RBFOX3: variants seen among roughly 807,000 people sequenced by gnomAD.
RBFOX3 encodes RNA binding protein fox-1 homolog 3.
A neutral mutation model predicts 48.7 loss-of-function variants in RBFOX3; 17 were observed. The ratio of observed to expected loss-of-function variants is 0.35; its 90% CI spans 0.24 to 0.52. The LOEUF (loss-of-function observed/expected upper bound fraction) is 0.52. RBFOX3 is among the 20% of genes least tolerant of loss of function. The pLI, the probability that RBFOX3 is intolerant of heterozygous loss-of-function variation, is 0.94. For synonymous variants in RBFOX3, 212 were observed against 209.5 expected (o/e 1.01, Z -0.10); for missense variants, 382 against 497.5 (o/e 0.77, Z 2.21).
In RBFOX3 at chr17:79,375,711, C is replaced by T. The variant is rs533552109; in HGVS notation, c.-174-67887G>A. Among the ~76,000 whole-genome samples, 4 of 152,260 alleles carry T rather than the reference C, an allele frequency of 2.6e-5. No homozygotes were observed. In the East Asian group the frequency reaches 5.8e-4, roughly 22 times the overall value. On this transcript the variant is annotated intron_variant, in intron 2 of 14. Coordinates refer to ENST00000693108, the MANE Select transcript of RBFOX3 (RefSeq NM_001350451.2). ...GGCCATAAGGGGCACAACTCTGATA[C>T]CCAATTCAACCTCACTGCCAGCATG...
At chr17:79,354,590 C>A (rs1028744425) in intron 2 of RBFOX3, among the ~76,000 whole-genome samples, 1 of 152,254 alleles carries the variant, frequency 6.6e-6, no homozygotes, top group Admixed American at 6.5e-5. Context: ...GAGAAACCAG[C>A]GTGGAAGGCA....
At chr17:79,132,357 C>T (rs1157941586) in intron 4 of RBFOX3, among the ~76,000 whole-genome samples, 3 of 152,208 alleles carry the variant, frequency 2.0e-5, no homozygotes, top group Non-Finnish European at 2.9e-5. Flanking sequence ...GGGCCAATCA[C>T]TGCCCCGGAT....
At chr17:79,431,352 C>T (rs1455038642) in intron 2 of RBFOX3, among the ~76,000 whole-genome samples, 1 of 152,144 alleles carries the variant, frequency 6.6e-6, no homozygotes, top group Non-Finnish European at 1.5e-5. Flanking sequence ...TCACTCTTGT[C>T]CCCAAGGCTT....
intron 2 of RBFOX3, among the ~76,000 whole-genome samples, chr17:79,366,556 C>T (rs2057776148): frequency 1.3e-5 from 2 of 152,198 alleles, no homozygotes; most frequent in South Asian, 4.1e-4. Flanking sequence ...CACCACTTCC[C>T]AGCTCCTGCT....
At chr17:79,318,306 C>T (rs1044662527) in intron 2 of RBFOX3, among the ~76,000 whole-genome samples, 4 of 152,158 alleles carry the variant, frequency 2.6e-5, no homozygotes, top group Non-Finnish European at 4.4e-5. Flanking sequence ...AACTCCAGCA[C>T]GGAGGATGCT....
intron 2 of RBFOX3, among the ~76,000 whole-genome samples, chr17:79,440,056 G>A (rs1158995726): frequency 6.6e-6 from 1 of 152,160 alleles, no homozygotes; most frequent in Non-Finnish European, 1.5e-5. Context: ...CGGGCCAGAG[G>A]GCACTTGGGG....
At chr17:79,402,946 C>G (rs2063004318) in intron 2 of RBFOX3, among the ~76,000 whole-genome samples, 1 of 152,130 alleles carries the variant, frequency 6.6e-6, no homozygotes, top group Admixed American at 6.5e-5. Flanking sequence ...AGGACGTGCC[C>G]GGCAAAGAGA....
At chr17:79,226,148 C>T (rs193197141) in intron 4 of RBFOX3, among the ~76,000 whole-genome samples, 11 of 152,306 alleles carry the variant, frequency 7.2e-5, no homozygotes, top group East Asian at 1.9e-4. Flanking sequence ...TTTGGGGAAC[C>T]AGCAAGGTGG....
chr17:79,529,101 C>T (rs1336811860), intron 1 of RBFOX3, among the ~76,000 whole-genome samples: 2 of 152,202 alleles, frequency 1.3e-5, no homozygotes, highest in South Asian at 2.1e-4. Context: ...CATTTAACAC[C>T]GGAAGGACAC....
intron 2 of RBFOX3, among the ~76,000 whole-genome samples, chr17:79,417,763 A>G (rs976854018): frequency 6.6e-6 from 1 of 152,270 alleles, no homozygotes; most frequent in Non-Finnish European, 1.5e-5. Flanking sequence ...CCAACTGAGA[A>G]GTGCACTTCG....
intron 4 of RBFOX3, among the ~76,000 whole-genome samples, chr17:79,124,924 G>C (rs114874554): frequency 0.044 from 6,639 of 151,836 alleles, 184 homozygotes; most frequent in Middle Eastern, 0.099. Context: ...TTGTCTCGGG[G>C]GGAGCCCAGT....
chr17:79,239,434 G>A (rs561815118), intron 3 of RBFOX3, among the ~76,000 whole-genome samples: 88 of 152,284 alleles, frequency 5.8e-4, no homozygotes, highest in African/African-American at 2.0e-3. Flanking sequence ...GGAACACAGG[G>A]ATCAGCACAG....
In RBFOX3 at chr17:79,199,407, C is replaced by T. The variant is rs371004495; in HGVS notation, c.-34+36359G>A. Among the ~76,000 whole-genome samples the T allele has an allele frequency of 5.9e-5, 9 of 152,202 alleles. No homozygotes were observed. The highest frequency in any genetic ancestry group is 2.1e-4 in the South Asian group (1 of 4,808). On this transcript the variant is annotated intron_variant, in intron 4 of 14. Coordinates refer to ENST00000693108, the MANE Select transcript of RBFOX3 (RefSeq NM_001350451.2). This position sits in a 1 kb window ranked among gnomAD's most constrained non-coding sequence, Gnocchi z 5.1. ...CAGGAGCCTCCAACCCTCTGCCCAC[C>T]GCCCTACTGCAGGAGTTGCAGATCT...
intron 2 of RBFOX3, among the ~76,000 whole-genome samples, chr17:79,459,784 G>A (rs530487901): frequency 1.3e-5 from 2 of 152,244 alleles, no homozygotes; most frequent in South Asian, 4.2e-4. Context: ...AGAGTGAGGG[G>A]TATGGGATTC....
At chr17:79,097,785 G>A (rs1318579339) in intron 9 of RBFOX3, 40 bp from the exon 10 acceptor site, 2 of 1,543,628 alleles carry the variant, frequency 1.3e-6, no homozygotes, top group Non-Finnish European at 1.8e-6. Flanking sequence ...TGCCTTCCCC[G>A]ACCCTTTTCC....
chr17:79,159,776 A>G (rs1234842540), intron 4 of RBFOX3, among the ~76,000 whole-genome samples: 1 of 152,144 alleles, frequency 6.6e-6, no homozygotes, highest in Non-Finnish European at 1.5e-5. Flanking sequence ...TCATTTGCTC[A>G]CAACCACTCA....
chr17:79,331,859 C>G (rs1047161961), intron 2 of RBFOX3, among the ~76,000 whole-genome samples: 2 of 152,208 alleles, frequency 1.3e-5, no homozygotes, highest in Admixed American at 6.5e-5. Context: ...TCTCAATGCC[C>G]CTGGAAGCAC....
chr17:79,393,978 C>A (rs2061680374), intron 2 of RBFOX3, among the ~76,000 whole-genome samples: 1 of 151,914 alleles, frequency 6.6e-6, no homozygotes, highest in South Asian at 2.1e-4. Context: ...ATCGTCTGAG[C>A]CAGTCATGCA....
chr17:79,611,130 T>TCTCTCTCTCTCTCTC (rs1491548376), upstream of RBFOX3, among the ~76,000 whole-genome samples: 612 of 37,812 alleles, frequency 0.016, 274 homozygotes, highest in Middle Eastern at 0.037. Flanking sequence ...TCCGCCCTCC[T>TCTCTCTCTCTCTCTC]TCTCTCTCTC....
Sources: gnomAD v4.1 joint callset for allele counts (sites outside exome capture counted in the v4.1 genomes callset) on GRCh38, gnomAD v4.1.1 for gene constraint, Gnocchi (gnomAD v3.1) non-coding constraint, MANE v1.5 for transcripts, NCBI Gene and HGNC (gene_info 2026-07-23, HGNC 2026-07-21) for gene names.